GPC6: variants seen among roughly 807,000 people sequenced by gnomAD.
GPC6 encodes the protein glypican 6.
A neutral mutation model predicts 55.2 loss-of-function variants in GPC6; 14 were observed. The ratio of observed to expected loss-of-function variants is 0.25; its 90% CI spans 0.17 to 0.40. The LOEUF (loss-of-function observed/expected upper bound fraction) is 0.40. GPC6 is among the 10% of genes least tolerant of loss of function. The pLI is 1.00. For synonymous variants in GPC6, 278 were observed against 259.6 expected, an observed-to-expected ratio of 1.07 and a Z score of -0.68; for missense variants, 641 against 708.5, an observed-to-expected ratio of 0.90 and a Z score of 1.08.
At chr13:94,242,224 C>T (rs1238817108) in intron 4 of GPC6, among the ~76,000 whole-genome samples, 1 of 152,026 alleles carries the variant, frequency 6.6e-6, no homozygotes, top group East Asian at 1.9e-4. Flanking sequence ...CAGCTTCATC[C>T]ATGTCCCTAC....
intron 2 of GPC6, among the ~76,000 whole-genome samples, chr13:93,630,221 C>T (rs566868436): frequency 4.1e-4 from 63 of 152,130 alleles, no homozygotes; most frequent in African/African-American, 1.4e-3. Flanking sequence ...CTTCTCAGTT[C>T]AATAATTCTC....
At chr13:93,381,193 C>T (rs919558355) in intron 1 of GPC6, among the ~76,000 whole-genome samples, 6 of 152,014 alleles carry the variant, frequency 3.9e-5, no homozygotes, top group Non-Finnish European at 8.8e-5. Flanking sequence ...ACAAATAATA[C>T]AGGAATAAGT....
chr13:93,650,122 C>T (rs1395291974), intron 2 of GPC6, among the ~76,000 whole-genome samples: 1 of 152,104 alleles, frequency 6.6e-6, no homozygotes, highest in Non-Finnish European at 1.5e-5. Flanking sequence ...CTTGCTGCTA[C>T]AATTCAAATA....
Position 93,227,719 on chromosome 13 carries a change from C to G in GPC6, c.160+103C>G. 1.1e-6 allele frequency: 1 copy of G among 923,948 alleles called. No individual in the cohort carries two copies. The highest frequency in any genetic ancestry group is 1.6e-6 in the Non-Finnish European group (1 of 614,744). 57.2% of individuals were successfully genotyped at this position (923,948 alleles called of 1,614,324 possible). On this transcript the variant is annotated intron_variant, in intron 1 of 8. Transcript: ENST00000377047. The surrounding 1 kb of genome is among the most constrained non-coding windows in gnomAD (Gnocchi z 4.3). ...CCTTCCCCCTGTTGCTGAGTTGGTGCTCACTTTCTGCCACCGCTATGGGAC... is the reference window on the plus strand; with the variant it reads ...CCTTCCCCCTGTTGCTGAGTTGGTGGTCACTTTCTGCCACCGCTATGGGAC...
chr13:93,878,840 C>A (rs989166389), intron 3 of GPC6, among the ~76,000 whole-genome samples: 4 of 152,220 alleles, frequency 2.6e-5, no homozygotes, highest in Admixed American at 2.6e-4. Flanking sequence ...TTATAAATTA[C>A]CCTGTTGGCA....
chr13:93,225,054 A>G (rs1177449976), upstream of GPC6, among the ~76,000 whole-genome samples: 1 of 152,198 alleles, frequency 6.6e-6, no homozygotes, highest in East Asian at 1.9e-4. Context: ...ATTTAAAACC[A>G]CATATACTAT....
intron 1 of GPC6, among the ~76,000 whole-genome samples, chr13:93,230,908 A>G (rs1236218731): frequency 6.6e-6 from 1 of 152,154 alleles, no homozygotes; most frequent in Non-Finnish European, 1.5e-5. Context: ...TGCTAGGATC[A>G]TTAATTATAA....
intron 3 of GPC6, among the ~76,000 whole-genome samples, chr13:93,888,697 C>T (rs1455538899): frequency 2.6e-5 from 4 of 152,124 alleles, no homozygotes; most frequent in Non-Finnish European, 5.9e-5. Flanking sequence ...ATGAAAACTA[C>T]ACAACATTTA....
chr13:94,405,100 CAT>C lies in GPC6; in HGVS notation c.*1884_*1885del, dbSNP rs1271659140. On this transcript the variant is annotated 3_prime_UTR_variant, in exon 9 of 9. Transcript: ENST00000377047. ...TTAGTCATCACATTTAAGTAGAACACATGTGGCACAATAGTATTAAGTATATT... is the reference window on the plus strand; with the variant it reads ...TTAGTCATCACATTTAAGTAGAACACGTGGCACAATAGTATTAAGTATATT... The C allele has an allele frequency of 6.6e-6, 1 of 152,206 alleles. No homozygotes were observed. The highest frequency in any genetic ancestry group is 2.4e-5 in the African/African-American group (1 of 41,446). 9.4% of individuals were successfully genotyped at this position (152,206 alleles called of 1,614,324 possible).
intron 2 of GPC6, among the ~76,000 whole-genome samples, chr13:93,733,125 T>C (rs1212947110): frequency 1.3e-5 from 2 of 152,108 alleles, no homozygotes; most frequent in Admixed American, 6.6e-5. Context: ...TTCAGGACTA[T>C]ACTCTTTAAG....
chr13:93,226,008 A>C (rs1875767535), upstream of GPC6, among the ~76,000 whole-genome samples: 1 of 152,224 alleles, frequency 6.6e-6, no homozygotes, highest in African/African-American at 2.4e-5. Flanking sequence ...AAAGTCAATT[A>C]GGCAAACCTG....
At chr13:93,379,843 A>G (rs1001941176) in intron 1 of GPC6, among the ~76,000 whole-genome samples, 4 of 152,068 alleles carry the variant, frequency 2.6e-5, no homozygotes, top group Non-Finnish European at 4.4e-5. Context: ...TATATGGTCA[A>G]TTAATGAAAC....
chr13:93,236,151 A>G (rs1385892872), intron 1 of GPC6, among the ~76,000 whole-genome samples: 3 of 152,228 alleles, frequency 2.0e-5, no homozygotes, highest in Admixed American at 1.3e-4. Flanking sequence ...GGCAAAGGAT[A>G]TGGTCTTTCA....
At chr13:93,849,654 CT>C (rs963843112) in intron 3 of GPC6, among the ~76,000 whole-genome samples, 1 of 152,094 alleles carries the variant, frequency 6.6e-6, no homozygotes, top group African/African-American at 2.4e-5. Flanking sequence ...AGCAACTCTT[CT>C]TTCCCTCAGA....
At chr13:93,964,976 T>C (rs1879960011) in intron 3 of GPC6, among the ~76,000 whole-genome samples, 1 of 152,174 alleles carries the variant, frequency 6.6e-6, no homozygotes, top group Admixed American at 6.5e-5. Flanking sequence ...ATACTATTGC[T>C]ACCATATAAA....
chr13:94,235,518 A>G (rs1441980143), intron 4 of GPC6, among the ~76,000 whole-genome samples: 1 of 152,166 alleles, frequency 6.6e-6, no homozygotes, highest in Non-Finnish European at 1.5e-5. Flanking sequence ...CACAGGGGAC[A>G]TACAAATGAG....
At chr13:93,959,324 G>A (rs951825113) in intron 3 of GPC6, among the ~76,000 whole-genome samples, 5 of 151,838 alleles carry the variant, frequency 3.3e-5, no homozygotes, top group Non-Finnish European at 5.9e-5. Context: ...CACCACACCC[G>A]GCTAATTTTT....
At chr13:93,593,438 A>G (rs2139511565) in intron 2 of GPC6, among the ~76,000 whole-genome samples, 1 of 152,256 alleles carries the variant, frequency 6.6e-6, no homozygotes, top group South Asian at 2.1e-4. Context: ...CTGCAAAACT[A>G]ACAGTTCAAG....
At chr13:94,063,062 G>A (rs538463206) in intron 4 of GPC6, among the ~76,000 whole-genome samples, 6 of 152,282 alleles carry the variant, frequency 3.9e-5, no homozygotes, top group South Asian at 4.1e-4. Flanking sequence ...ACTGGTGGCC[G>A]ACCTGTTTGT....
Sources: gnomAD v4.1 joint callset for allele counts (sites outside exome capture counted in the v4.1 genomes callset) on GRCh38, gnomAD v4.1.1 for gene constraint, Gnocchi (gnomAD v3.1) non-coding constraint, MANE v1.5 for transcripts, NCBI Gene and HGNC (gene_info 2026-07-23, HGNC 2026-07-21) for gene names.